The following ROBO2 variants were observed in gnomAD, a reference collection of about 807,000 sequenced individuals.
ROBO2 encodes the protein roundabout homolog 2.
Under a neutral mutation model 160.8 loss-of-function variants are expected in ROBO2, and 53 were observed. The observed-to-expected ratio is 0.33, with a 90% CI of 0.26 to 0.41. ROBO2 has a LOEUF of 0.41. ROBO2 is among the 10% of genes least tolerant of loss of function. The pLI is 1.00. For missense variants in ROBO2, 1,577 were observed against 1,722.4 expected, an observed-to-expected ratio of 0.92 and a Z score of 1.49; for synonymous variants, 664 against 611.7, an observed-to-expected ratio of 1.09 and a Z score of -1.26.
intron 2 of ROBO2, among the ~76,000 whole-genome samples, chr3:76,109,579 A>C (rs2070123547): frequency 6.6e-6 from 1 of 152,118 alleles, no homozygotes; most frequent in South Asian, 2.1e-4. Flanking sequence ...TCCTGCTTTC[A>C]ATGTTTTTCA....
At chr3:76,498,566 T>G (rs549845826) in intron 2 of ROBO2, among the ~76,000 whole-genome samples, 1 of 151,936 alleles carries the variant, frequency 6.6e-6, no homozygotes, top group Non-Finnish European at 1.5e-5. Context: ...ATGCAAGAAA[T>G]ACATAATTTT....
At chr3:76,540,848 G>T (rs1335759669) in intron 2 of ROBO2, among the ~76,000 whole-genome samples, 2 of 152,028 alleles carry the variant, frequency 1.3e-5, no homozygotes, top group East Asian at 3.8e-4. Context: ...CACCCAGGCT[G>T]GAGTGCAGTG....
intron 2 of ROBO2, among the ~76,000 whole-genome samples, chr3:77,472,261 ATAAATAACAGAAGGGAG>A (rs1419022392): frequency 3.3e-5 from 5 of 152,190 alleles, no homozygotes; most frequent in Non-Finnish European, 7.3e-5. Context: ...TACAAAGGGA[ATAAATAACAGAAGGGAG>A]TGACCATTGG....
intron 2 of ROBO2, among the ~76,000 whole-genome samples, chr3:76,775,497 C>A (rs2062190504): frequency 6.6e-6 from 1 of 150,738 alleles, no homozygotes; most frequent in Non-Finnish European, 1.5e-5. Context: ...CTAAAAATTA[C>A]TTTTATCTAC....
chr3:77,563,292 A>G, exon 11 of ROBO2: 1 of 1,613,596 alleles, frequency 6.2e-7, no homozygotes, highest in Non-Finnish European at 8.5e-7. Flanking sequence ...TACCCCTGGA[A>G]CCCTTCCAGC....
chr3:75,956,717 T>C (rs4855986), intron 2 of ROBO2, among the ~76,000 whole-genome samples: 150,479 of 151,672 alleles, frequency 0.99, 74,655 homozygotes, highest in East Asian at 1. Flanking sequence ...AAAATGTAAG[T>C]GTCATGCAGG....
In ROBO2 at chr3:76,635,938, C is replaced by T. The variant is rs867304344; in HGVS notation, c.110-462076C>T. Among the ~76,000 whole-genome samples the T allele has an allele frequency of 3.3e-4, 50 of 152,286 alleles. 1 individual carries two copies. In the Middle Eastern group the frequency reaches 0.017, roughly 52 times the overall value. ...GTTGGACAATTAGCAGAGCATCAGC[C>T]CAGCCTGCTAGCCTGACTGCTGACA... is the stretch of plus-strand genomic sequence containing the variant. On this transcript the variant is annotated intron_variant, in intron 2 of 26. Coordinates refer to the ROBO2 transcript ENST00000487694.
intron 2 of ROBO2, among the ~76,000 whole-genome samples, chr3:76,918,370 G>T (rs1042897787): frequency 2.0e-5 from 3 of 152,154 alleles, no homozygotes; most frequent in Non-Finnish European, 2.9e-5. Flanking sequence ...ATGATTGTAA[G>T]TTTCCTGAGG....
intron 2 of ROBO2, among the ~76,000 whole-genome samples, chr3:76,442,084 C>T (rs1278820086): frequency 6.6e-6 from 1 of 152,134 alleles, no homozygotes; most frequent in Non-Finnish European, 1.5e-5. Context: ...CATTTTCTCA[C>T]AGGGCAGAAG....
intron 5 of ROBO2, among the ~76,000 whole-genome samples, chr3:77,513,215 G>A (rs1486235472): frequency 6.6e-6 from 1 of 151,604 alleles, no homozygotes; most frequent in African/African-American, 2.4e-5. Flanking sequence ...CCTAAATTCT[G>A]TGTTCATTGT....
chr3:77,102,754 T>C (rs2072151132), intron 2 of ROBO2, among the ~76,000 whole-genome samples: 1 of 151,924 alleles, frequency 6.6e-6, no homozygotes, highest in Non-Finnish European at 1.5e-5. Flanking sequence ...TGCTTCACCT[T>C]TATGTTCTGG....
chr3:76,771,457 T>A (rs1452749342), intron 2 of ROBO2, among the ~76,000 whole-genome samples: 1 of 151,312 alleles, frequency 6.6e-6, no homozygotes, highest in East Asian at 2.0e-4. Context: ...TGTTTTAAAT[T>A]CTGTAATGCA....
intron 1 of ROBO2, among the ~76,000 whole-genome samples, chr3:77,074,342 G>A (rs2067719818): frequency 6.6e-6 from 1 of 152,106 alleles, no homozygotes; most frequent in Admixed American, 6.5e-5. Context: ...CCTTCTGCCT[G>A]TGCTATAACT....
intron 2 of ROBO2, among the ~76,000 whole-genome samples, chr3:77,017,414 A>G (rs559851362): frequency 8.7e-4 from 132 of 152,348 alleles, no homozygotes; most frequent in African/African-American, 2.9e-3. Flanking sequence ...AGCTCAAATG[A>G]CTAACAGGAC....
At chr3:76,542,648 T>G (rs918647412) in intron 2 of ROBO2, among the ~76,000 whole-genome samples, 2 of 152,152 alleles carry the variant, frequency 1.3e-5, no homozygotes, top group Non-Finnish European at 2.9e-5. Context: ...TCTGCTCACC[T>G]TTTTTCTGTC....
intron 2 of ROBO2, among the ~76,000 whole-genome samples, chr3:76,707,202 T>G (rs2093182283): frequency 6.6e-6 from 1 of 152,090 alleles, no homozygotes; most frequent in South Asian, 2.1e-4. Context: ...TTTTCCCCTC[T>G]GATTCCCTGG....
chr3:77,491,690 G>A (rs1266151984), intron 4 of ROBO2, among the ~76,000 whole-genome samples: 2 of 152,108 alleles, frequency 1.3e-5, no homozygotes, highest in East Asian at 1.9e-4. Context: ...AGATGCAACC[G>A]TGTTTTTCTT....
chr3:76,585,302 GT>G (rs1206818750), intron 2 of ROBO2, among the ~76,000 whole-genome samples: 3 of 152,150 alleles, frequency 2.0e-5, no homozygotes, highest in African/African-American at 4.8e-5. Context: ...CATTTTGTAA[GT>G]TTTGATTGTG....
chr3:76,266,514 C>T (rs879843060), intron 2 of ROBO2, among the ~76,000 whole-genome samples: 1 of 152,150 alleles, frequency 6.6e-6, no homozygotes, highest in Non-Finnish European at 1.5e-5. Context: ...TACGTGTTCT[C>T]TCTCTGTATG....
Sources: gnomAD v4.1 joint callset for allele counts (sites outside exome capture counted in the v4.1 genomes callset) on GRCh38, gnomAD v4.1.1 for gene constraint, MANE v1.5 for transcripts, NCBI Gene and HGNC (gene_info 2026-07-23, HGNC 2026-07-21) for gene names.